Variants in AAK1 observed in about 807,000 individuals in gnomAD.
AAK1 encodes AP2 associated kinase 1.
Under a neutral mutation model 116.0 loss-of-function variants are expected in AAK1, and 37 were observed. The ratio of observed to expected loss-of-function variants is 0.32; its 90% confidence interval spans 0.25 to 0.42. The LOEUF (loss-of-function observed/expected upper bound fraction) is 0.42, where lower values mean the gene tolerates loss of function less well. AAK1 is among the 10% of genes least tolerant of loss of function. The pLI is 1.00. For synonymous variants in AAK1, 458 were observed against 439.9 expected, an observed-to-expected ratio of 1.04 and a Z score of -0.51; for missense variants, 919 against 1,170.6, an observed-to-expected ratio of 0.79 and a Z score of 3.14.
intron 7 of AAK1, 94 bp downstream of exon 7, chr2:69,530,531 A>G: frequency 9.7e-7 from 1 of 1,033,356 alleles, no homozygotes. Context: ...ATGGTACAGT[A>G]GCCACCATGC....
At chr2:69,525,256 T>G in intron 9 of AAK1, 144 bp from the exon 10 acceptor site, 1 of 725,804 alleles carries the variant, frequency 1.4e-6, no homozygotes, top group Non-Finnish European at 2.3e-6. Flanking sequence ...CTGAGCTCTG[T>G]CTGGTAGAGG....
chr2:69,566,566 A>T (rs1340356863), intron 2 of AAK1, among the ~76,000 whole-genome samples: 1 of 152,174 alleles, frequency 6.6e-6, no homozygotes, highest in East Asian at 1.9e-4. Context: ...AACAGAACCC[A>T]ATCGAGGCCA....
rs1325829576 is a variant in AAK1 at position 69,532,025 on chromosome 2, A to G, written c.656+16T>C. ...CTGATTGTGGACAAAACTCCATGAA[A>G]GGAGAAAAAGCTTACTTCTTAATCT... On this transcript the variant is annotated intron_variant, in intron 6 of 21. Transcript: ENST00000409085. The G allele has an allele frequency of 6.2e-7, 1 of 1,612,348 alleles. No homozygotes were observed. Among genetic ancestry groups the G allele is most frequent in the Non-Finnish European group, 8.5e-7 (1 of 1,178,646 alleles).
At chr2:69,518,857 T>G in intron 12 of AAK1, 97 bp downstream of exon 12, 1 of 1,439,502 alleles carries the variant, frequency 6.9e-7, no homozygotes, top group Non-Finnish European at 9.1e-7. Context: ...AGTGATGTAA[T>G]GTTTAATGGC....
At chr2:69,500,690 TATATATATACACAC>T (rs1301572923) in intron 16 of AAK1, among the ~76,000 whole-genome samples, 7 of 114,036 alleles carry the variant, frequency 6.1e-5, no homozygotes, top group African/African-American at 2.7e-4. Context: ...TATATATATA[TATATATATACACAC>T]ACACACACAC....
Position 69,467,084 on chromosome 2 carries a change from C to CACT in AAK1, c.*8782_*8784dup. The CACT allele has an allele frequency of 2.0e-6, 2 of 985,388 alleles. No homozygotes were observed. Among genetic ancestry groups the CACT allele is most frequent in the Non-Finnish European group, 2.4e-6 (2 of 829,912 alleles). 61.0% of individuals were successfully genotyped at this position (985,388 alleles called of 1,614,324 possible). ...TTTACTTGATGACTTACATCACAAG[C>CACT]ACTACTCAAAGAGCATACGAGTGCC... On this transcript the variant is annotated 3_prime_UTR_variant, in exon 22 of 22. Transcript: ENST00000409085.
chr2:69,587,316 C>T (rs1239467716), intron 2 of AAK1, among the ~76,000 whole-genome samples: 8 of 149,506 alleles, frequency 5.4e-5, no homozygotes, highest in South Asian at 4.2e-4. Context: ...TGTATATATA[C>T]GCACATATAT....
At chr2:69,603,547 T>A (rs1000146745) in intron 2 of AAK1, among the ~76,000 whole-genome samples, 4 of 152,166 alleles carry the variant, frequency 2.6e-5, no homozygotes, top group African/African-American at 9.6e-5. Context: ...CAAATCCACA[T>A]GTGAGTCACT....
At position 69,468,562 on chromosome 2, in the gene AAK1, T is replaced by C; in HGVS notation, c.*7307A>G. Reference sequence around the variant, plus strand: ...CTCTTAGGGAAAAAAAATGGAAAACTTAGTCAAGCCAGTGACCAACTCTGG... The same window carrying C: ...CTCTTAGGGAAAAAAAATGGAAAACCTAGTCAAGCCAGTGACCAACTCTGG... On this transcript the variant is annotated 3_prime_UTR_variant, in exon 22 of 22. Coordinates refer to ENST00000409085, the MANE Select transcript of AAK1 (RefSeq NM_014911.5). The C allele has an allele frequency of 1.0e-6, 1 of 985,414 alleles. No individual in the cohort carries two copies. The highest frequency in any genetic ancestry group is 1.2e-6 in the Non-Finnish European group (1 of 829,928). The allele number at this position is 985,414 out of a possible 1,614,324, so 61.0% of individuals were successfully genotyped here. A position where few individuals can be genotyped will look rare whatever the true frequency, so the allele number is the denominator to read the frequency against.
intron 2 of AAK1, among the ~76,000 whole-genome samples, chr2:69,633,986 A>G (rs1675336335): frequency 6.6e-6 from 1 of 152,200 alleles, no homozygotes; most frequent in African/African-American, 2.4e-5. Context: ...CCTGGCTAAC[A>G]TGGTGAAACC....
In AAK1 at chr2:69,476,910, T is replaced by G. The variant is rs377232793; in HGVS notation, c.2761A>C (p.Ile921Leu). ...DKVAEDEFDPIPVLITKNPQG... is the reference protein window; with the variant it reads ...DKVAEDEFDPLPVLITKNPQG... ...GGGTTTTTGGTTATCAATACAGGAA[T>G]AGGGTCAAACTCATCTTCAGCCACC... Residue 921 changes from isoleucine to leucine, a missense_variant, in exon 21 of 22, where the codon ATT (isoleucine) becomes CTT (leucine). Around this residue, in one of 4 missense-constraint regions of AAK1, gnomAD observed 263 missense variants for 285.5 expected, o/e 0.92. Transcript: ENST00000409085. 3.1e-6 allele frequency: 5 copies of G among 1,613,572 alleles called. No individual in the cohort carries two copies. In the African/African-American group the frequency reaches 4.0e-5, roughly 13 times the overall value.
chr2:69,496,164 AC>A (rs1675732852), intron 16 of AAK1, 84 bp from the exon 17 acceptor site: 2 of 958,692 alleles, frequency 2.1e-6, no homozygotes, highest in Admixed American at 4.4e-5. Context: ...AGGTAAGTTT[AC>A]CCTCTATTAA....
chr2:69,624,099 G>A (rs890299624), intron 2 of AAK1, among the ~76,000 whole-genome samples: 3 of 152,068 alleles, frequency 2.0e-5, no homozygotes, highest in African/African-American at 7.2e-5. Flanking sequence ...GGGAGAGAGG[G>A]AGGGAACACG....
intron 3 of AAK1, among the ~76,000 whole-genome samples, chr2:69,554,412 G>C (rs1472362485): frequency 1.3e-5 from 2 of 152,242 alleles, no homozygotes; most frequent in Non-Finnish European, 2.9e-5. Context: ...AATAATTTTA[G>C]TGAAAGCAAA....
At position 69,590,225 on chromosome 2, in the gene AAK1, G is replaced by C. The variant is rs549442412; in HGVS notation, c.164-33247C>G. Among the ~76,000 whole-genome samples the C allele has an allele frequency of 5.3e-5, 8 of 152,274 alleles. No individual in the cohort carries two copies. In the South Asian group the frequency reaches 1.7e-3, roughly 32 times the overall value. ...GCGCATTAACTTCCTAGTCACTTCAGTACATATCAGAAATGTGAAAAAGAG... is the reference window on the plus strand; with the variant it reads ...GCGCATTAACTTCCTAGTCACTTCACTACATATCAGAAATGTGAAAAAGAG... On this transcript the variant is annotated intron_variant, in intron 2 of 21. Transcript: ENST00000409085.
intron 2 of AAK1, among the ~76,000 whole-genome samples, chr2:69,572,246 G>T (rs913088980): frequency 6.6e-5 from 10 of 152,072 alleles, no homozygotes; most frequent in African/African-American, 2.4e-4. Flanking sequence ...TGGGCTGCAG[G>T]GTGGCTGAGC....
At chr2:69,516,273 T>C (rs1676576309) in intron 12 of AAK1, among the ~76,000 whole-genome samples, 2 of 151,024 alleles carry the variant, frequency 1.3e-5, no homozygotes, top group Middle Eastern at 3.2e-3. Context: ...GATAGAACAA[T>C]TAATTATCTA....
At chr2:69,638,791 C>G (rs1158705976) in intron 2 of AAK1, among the ~76,000 whole-genome samples, 1 of 152,154 alleles carries the variant, frequency 6.6e-6, no homozygotes, top group Admixed American at 6.5e-5. Flanking sequence ...ACTCTCACCC[C>G]CAGGCTCTTT....
intron 2 of AAK1, among the ~76,000 whole-genome samples, chr2:69,562,297 G>A (rs185487661): frequency 5.2e-4 from 79 of 152,178 alleles, no homozygotes; most frequent in African/African-American, 1.9e-3. Flanking sequence ...ATCTTGTTGT[G>A]GTTTTAATTT....
Sources: allele counts gnomAD v4.1 joint callset (sites outside exome capture counted in the v4.1 genomes callset), GRCh38; gene constraint gnomAD v4.1.1; regional missense constraint gnomAD v4.1.1; transcripts MANE v1.5; gene names NCBI Gene and HGNC (gene_info 2026-07-23, HGNC 2026-07-21).